OTOGL: variants seen among roughly 807,000 people sequenced by gnomAD.
OTOGL encodes the protein otogelin like.
Under a neutral mutation model 318.5 loss-of-function variants are expected in OTOGL, and 285 were observed. The observed-to-expected ratio is 0.89, with a 90% CI of 0.81 to 0.99. The LOEUF (loss-of-function observed/expected upper bound fraction) is 0.99. Ranked by LOEUF, OTOGL falls within the 50% of genes least tolerant of loss-of-function variation. The pLI is 0.00. For missense variants in OTOGL, 2,899 were observed against 2,845.6 expected (o/e 1.02, Z -0.43); for synonymous variants, 987 against 936.5 (o/e 1.05, Z -0.99).
At chr12:80,296,448 A>C (rs903750669) in intron 26 of OTOGL, among the ~76,000 whole-genome samples, 11 of 152,222 alleles carry the variant, frequency 7.2e-5, no homozygotes, top group Non-Finnish European at 1.3e-4. Context: ...AGCCAGAAAT[A>C]TCGTTTAAAT....
rs767686837 is a variant in OTOGL at position 80,159,557 on chromosome 12, C to T, written c.-19-49856C>T. ...ATACCTAACCAAGGAGGTGAAAGAACTCTACAAGAAAAACTACAAAACACT... is the reference window on the plus strand; with the variant it reads ...ATACCTAACCAAGGAGGTGAAAGAATTCTACAAGAAAAACTACAAAACACT... On this transcript the variant is annotated intron_variant, in intron 1 of 58. Transcript: ENST00000547103. 1.9e-4 allele frequency among the ~76,000 whole-genome samples: 29 copies of T among 152,042 alleles called. 1 individual carries two copies. The highest frequency in any genetic ancestry group is 8.3e-4 in the South Asian group (4 of 4,828).
At chr12:80,234,360 G>C (rs904267358) in intron 9 of OTOGL, among the ~76,000 whole-genome samples, 10 of 152,284 alleles carry the variant, frequency 6.6e-5, no homozygotes, top group Admixed American at 5.9e-4. Flanking sequence ...TGCCATTGAA[G>C]CTGTAAAGTG....
At chr12:80,256,273 C>T in intron 16 of OTOGL, 64 bp from the exon 17 acceptor site, 1 of 1,503,936 alleles carries the variant, frequency 6.6e-7, no homozygotes, top group Non-Finnish European at 9.0e-7. Context: ...CTCCACCTTC[C>T]TGTCTCTTTC....
Position 80,377,147 on chromosome 12 carries a change from A to G in OTOGL, c.6806A>G (p.Gln2269Arg). The change falls in exon 58 of 59, where the codon CAG becomes CGG. Residue 2269 changes from glutamine to arginine, a missense_variant. Gln to Arg is a conservative substitution (Grantham distance 43, BLOSUM62 1). This residue lies in a region of OTOGL where 289 missense variants were observed against 304.6 expected (regional missense o/e 0.95). Coordinates refer to ENST00000547103, the MANE Select transcript of OTOGL (RefSeq NM_001378609.3). ...GGCAAACGAGAAGAAAGAATATGCC[A>G]GAAAGTGATCATTAAATCGGTCATA... ...KICKREERICQKVIIKSVIRK... is the reference protein window; with the variant it reads ...KICKREERICRKVIIKSVIRK... The G allele has an allele frequency of 1.9e-6, 3 of 1,609,966 alleles. No individual in the cohort carries two copies. Among genetic ancestry groups the G allele is most frequent in the Non-Finnish European group, 2.5e-6 (3 of 1,177,544 alleles).
intron 46 of OTOGL, 149 bp downstream of exon 46, chr12:80,353,659 A>G: frequency 4.4e-6 from 3 of 676,824 alleles, no homozygotes; most frequent in Non-Finnish European, 6.5e-6. Context: ...TGATTTTAAT[A>G]TGATTTCAAG....
At chr12:80,168,855 T>C (rs2137211123) in intron 1 of OTOGL, among the ~76,000 whole-genome samples, 1 of 152,288 alleles carries the variant, frequency 6.6e-6, no homozygotes, top group East Asian at 1.9e-4. Context: ...ATTAGGAAAA[T>C]GAGTATGTAT....
chr12:80,213,774 T>A (rs1243646391), intron 4 of OTOGL, among the ~76,000 whole-genome samples: 1 of 152,098 alleles, frequency 6.6e-6, no homozygotes, highest in Non-Finnish European at 1.5e-5. Flanking sequence ...AATCACTTAT[T>A]TTCTGAACAA....
intron 1 of OTOGL, among the ~76,000 whole-genome samples, chr12:80,117,319 T>A (rs1010148525): frequency 6.6e-6 from 1 of 152,238 alleles, no homozygotes; most frequent in African/African-American, 2.4e-5. Context: ...AGACTTTTTT[T>A]ATTAATGTCA....
At chr12:80,240,025 A>G (rs1462226175) in intron 11 of OTOGL, among the ~76,000 whole-genome samples, 1 of 152,100 alleles carries the variant, frequency 6.6e-6, no homozygotes, top group African/African-American at 2.4e-5. Flanking sequence ...AGTGACCTCC[A>G]GTTTCATCCA....
intron 3 of OTOGL, 80 bp from the exon 4 acceptor site, chr12:80,211,869 C>T: frequency 1.7e-6 from 2 of 1,155,102 alleles, no homozygotes; most frequent in East Asian, 2.6e-5. Context: ...AGGAGGAAAA[C>T]ACCAGCTCTC....
At chr12:80,189,859 G>A (rs571452744) in intron 1 of OTOGL, among the ~76,000 whole-genome samples, 3 of 152,214 alleles carry the variant, frequency 2.0e-5, no homozygotes, top group South Asian at 2.1e-4. Flanking sequence ...TTAGCTATAC[G>A]GGAGGAAGCT....
At chr12:80,142,437 A>G (rs896340055) in intron 1 of OTOGL, among the ~76,000 whole-genome samples, 70 of 152,138 alleles carry the variant, frequency 4.6e-4, no homozygotes, top group African/African-American at 1.5e-3. Context: ...GAATTCTTCA[A>G]TTAAAACTTT....
chr12:80,285,084 T>A (rs765720710), intron 26 of OTOGL, among the ~76,000 whole-genome samples: 17 of 152,166 alleles, frequency 1.1e-4, no homozygotes, highest in South Asian at 2.1e-4. Flanking sequence ...CCAGTTTCAG[T>A]TTTCCGCATA....
At chr12:80,201,124 G>A (rs1444960885) in intron 1 of OTOGL, among the ~76,000 whole-genome samples, 1 of 152,180 alleles carries the variant, frequency 6.6e-6, no homozygotes, top group East Asian at 1.9e-4. Flanking sequence ...GGAGGCAAGT[G>A]GAACTGGATG....
intron 1 of OTOGL, among the ~76,000 whole-genome samples, chr12:80,159,121 T>TAAATAAATA (rs1873323398): frequency 6.6e-6 from 1 of 152,160 alleles, no homozygotes; most frequent in Non-Finnish European, 1.5e-5. Context: ...TCTGTTTATG[T>TAAATAAATA]GCTGTATCAC....
At chr12:80,294,371 G>T (rs115765542) in intron 26 of OTOGL, among the ~76,000 whole-genome samples, 2,019 of 151,724 alleles carry the variant, frequency 0.013, 40 homozygotes, top group African/African-American at 0.046. Flanking sequence ...AAATATAATG[G>T]CAATAAAAAG....
intron 1 of OTOGL, among the ~76,000 whole-genome samples, chr12:80,144,048 T>C (rs78253592): frequency 1.0e-4 from 13 of 126,428 alleles, no homozygotes; most frequent in African/African-American, 4.1e-4. Flanking sequence ...TGTGCTTTTC[T>C]TTTTTTTTTT....
intron 1 of OTOGL, among the ~76,000 whole-genome samples, chr12:80,158,585 G>C (rs1873284500): frequency 6.6e-6 from 1 of 151,882 alleles, no homozygotes; most frequent in African/African-American, 2.4e-5. Flanking sequence ...ACATATATAT[G>C]TATAAGCTTT....
rs994074022 is a variant in OTOGL at position 80,244,998 on chromosome 12, T to G, written c.1052+5559T>G. On this transcript the variant is annotated intron_variant, in intron 11 of 58. Coordinates refer to ENST00000547103, the MANE Select transcript of OTOGL (RefSeq NM_001378609.3). ...AAGTGTCTGTTCTTTGCCCACTTTT[T>G]GATGGGGTTGTTTGTTTTTTTCTTG... Among the ~76,000 whole-genome samples the G allele has an allele frequency of 2.2e-4, 33 of 148,878 alleles. 2 individuals are homozygous for G. Among genetic ancestry groups the G allele is most frequent in the African/African-American group, 8.4e-4 (32 of 38,278 alleles).
Sources: allele counts gnomAD v4.1 joint callset (sites outside exome capture counted in the v4.1 genomes callset), GRCh38; gene constraint gnomAD v4.1.1; regional missense constraint gnomAD v4.1.1; transcripts MANE v1.5; gene names NCBI Gene and HGNC (gene_info 2026-07-23, HGNC 2026-07-21).